Variants in LCOR observed in about 807,000 individuals in gnomAD.
The protein encoded by LCOR is ligand-dependent corepressor.
A neutral mutation model predicts 64.4 loss-of-function variants in LCOR; 14 were observed. That is an observed-to-expected ratio of 0.22 (90% confidence interval 0.14 to 0.34). The LOEUF (loss-of-function observed/expected upper bound fraction) is 0.34, where lower values mean the gene tolerates loss of function less well. Ranked by LOEUF, LCOR falls within the 10% of genes least tolerant of loss-of-function variation. The pLI, the probability that LCOR is intolerant of heterozygous loss-of-function variation, is 1.00. For synonymous variants in LCOR, 643 were observed against 642.5 expected, an observed-to-expected ratio of 1.00 and a Z score of -0.01; for missense variants, 1,686 against 1,765.3, an observed-to-expected ratio of 0.96 and a Z score of 0.80.
chr10:96,856,977 C>T (rs573358855), intron 2 of LCOR, among the ~76,000 whole-genome samples: 1 of 151,954 alleles, frequency 6.6e-6, no homozygotes, highest in South Asian at 2.1e-4. Context: ...TACTTAATTT[C>T]AGGAAGTAGA....
chr10:96,980,010 G>A (rs541977377), intron 7 of LCOR, among the ~76,000 whole-genome samples: 11 of 152,176 alleles, frequency 7.2e-5, no homozygotes, highest in Non-Finnish European at 1.5e-4. Context: ...CAGGCGTGGC[G>A]GCGTGCGCCT....
chr10:96,912,281 T>C (rs899244256), intron 4 of LCOR, among the ~76,000 whole-genome samples: 1 of 152,220 alleles, frequency 6.6e-6, no homozygotes, highest in Non-Finnish European at 1.5e-5. Context: ...TTTAGCCTTA[T>C]AAAGCAATTG....
chr10:96,877,001 T>G (rs1017223043), intron 2 of LCOR, among the ~76,000 whole-genome samples: 15 of 151,874 alleles, frequency 9.9e-5, no homozygotes, highest in African/African-American at 3.6e-4. Flanking sequence ...GGCCAACAGA[T>G]GTATATAAAA....
At chr10:96,894,158 C>A (rs1846496996) in intron 2 of LCOR, among the ~76,000 whole-genome samples, 1 of 152,078 alleles carries the variant, frequency 6.6e-6, no homozygotes, top group Admixed American at 6.6e-5. Flanking sequence ...GTGGCATGAT[C>A]TCAGCTCACT....
rs142969932 is a variant in LCOR at position 96,922,050 on chromosome 10, G to A, written c.-184+14303G>A. Among the ~76,000 whole-genome samples, 193 of 152,200 alleles carry A rather than the reference G, an allele frequency of 1.3e-3. 1 individual carries two copies. Among genetic ancestry groups the A allele is most frequent in the African/African-American group, 4.5e-3 (185 of 41,540 alleles). On this transcript the variant is annotated intron_variant, in intron 4 of 7. Coordinates refer to ENST00000421806, the MANE Select transcript of LCOR (RefSeq NM_001346516.2). ...TTTTCAATATTGTTTTGGCAATTTG[G>A]GATCTCTTGAAACTTCAGGGTGGAT...
intron 7 of LCOR, among the ~76,000 whole-genome samples, chr10:96,972,201 A>G (rs1471177865): frequency 6.6e-6 from 1 of 152,170 alleles, no homozygotes; most frequent in East Asian, 1.9e-4. Context: ...GTAAAGGGGT[A>G]AAATATTAAA....
chr10:96,944,893 G>A (rs1250078914), intron 5 of LCOR, among the ~76,000 whole-genome samples: 1 of 151,988 alleles, frequency 6.6e-6, no homozygotes, highest in Non-Finnish European at 1.5e-5. Context: ...GGAGTCTTGA[G>A]GCTTATCAAT....
At chr10:96,917,535 C>T (rs1233391671) in intron 4 of LCOR, among the ~76,000 whole-genome samples, 1 of 152,102 alleles carries the variant, frequency 6.6e-6, no homozygotes, top group Non-Finnish European at 1.5e-5. Flanking sequence ...TTGAGAGGTG[C>T]AGTAGATGAC....
At position 96,986,426 on chromosome 10, in the gene LCOR, G is replaced by A. The variant is rs1848150474; in HGVS notation, c.*1292G>A. The A allele has an allele frequency of 6.6e-6, 1 of 152,336 alleles. No homozygotes were observed. The allele number at this position is 152,336 out of a possible 1,614,324, so 9.4% of individuals were successfully genotyped here. ...CACACCCCCTACACCCAGAGCTGATGTTCAGCTGTATGCTCCAATGTGAAT... is the reference window on the plus strand; with the variant it reads ...CACACCCCCTACACCCAGAGCTGATATTCAGCTGTATGCTCCAATGTGAAT... On this transcript the variant is annotated 3_prime_UTR_variant, in exon 8 of 8. Transcript: ENST00000421806.
intron 4 of LCOR, among the ~76,000 whole-genome samples, chr10:96,931,781 T>A (rs1847264991): frequency 6.6e-6 from 1 of 152,184 alleles, no homozygotes; most frequent in African/African-American, 2.4e-5. Flanking sequence ...AGTTAGGAAG[T>A]AAAAGAAAAA....
At chr10:96,863,770 A>G (rs1845927647) in intron 2 of LCOR, among the ~76,000 whole-genome samples, 1 of 152,226 alleles carries the variant, frequency 6.6e-6, no homozygotes, top group African/African-American at 2.4e-5. Context: ...TTGCTAAAAT[A>G]CTTTTTCTCT....
In LCOR at chr10:96,982,823, C is replaced by A. The variant is rs772778243; in HGVS notation, c.2363C>A (p.Thr788Lys). 97 of 1,613,878 alleles carry A rather than the reference C, an allele frequency of 6.0e-5. No homozygotes were observed. The highest frequency in any genetic ancestry group is 7.2e-5 in the Non-Finnish European group (85 of 1,180,022). The stretch of plus-strand genomic sequence containing the variant: ...GTAAAATGCCTGTCAGAAAAAGACA[C>A]GTATGATACAAGCATTGACTCACTC... ...GDVKCLSEKD[T>K]YDTSIDSLEE... is the part of the protein sequence containing the mutation. Residue 788 changes from threonine to lysine, a missense_variant, in exon 8 of 8, where the codon ACG becomes AAG. By Grantham distance (78) the Thr-to-Lys change is moderately conservative (BLOSUM62 -1). Around this residue, in one of 3 missense-constraint regions of LCOR, gnomAD observed 1,293 missense variants for 1,410.4 expected, o/e 0.92. Transcript: ENST00000421806.
chr10:96,834,453 A>G (rs576235833), intron 2 of LCOR, among the ~76,000 whole-genome samples: 1 of 152,256 alleles, frequency 6.6e-6, no homozygotes, highest in African/African-American at 2.4e-5. Flanking sequence ...ATTCTTTCAA[A>G]GTATTATTAT....
At position 96,983,241 on chromosome 10, in the gene LCOR, T is replaced by G; in HGVS notation, c.2781T>G (p.Ile927Met). The G allele has an allele frequency of 1.2e-6, 2 of 1,614,066 alleles. No homozygotes were observed. Among genetic ancestry groups the G allele is most frequent in the South Asian group, 1.1e-5 (1 of 91,074 alleles). Reference protein sequence around the residue: ...DKEVKELRGEIFPSRDPITTA... With the variant: ...DKEVKELRGEMFPSRDPITTA... ...AAGTCAAGGAGTTACGAGGAGAGAT[T>G]TTCCCCAGCAGGGACCCCATAACCA... The change falls in exon 8 of 8, where the codon ATT (isoleucine) becomes ATG (methionine). Residue 927 changes from isoleucine (I) to methionine (M), a missense_variant. Transcript: ENST00000421806. The surrounding 1 kb of genome is among the most constrained non-coding windows in gnomAD (Gnocchi z 4.5).
At chr10:96,946,418 A>T (rs907917795) in intron 5 of LCOR, among the ~76,000 whole-genome samples, 8 of 152,134 alleles carry the variant, frequency 5.3e-5, no homozygotes, top group Non-Finnish European at 8.8e-5. Context: ...ATTTCACTTC[A>T]AGAACAATAT....
At chr10:96,901,533 G>A (rs574336171) in intron 2 of LCOR, among the ~76,000 whole-genome samples, 2 of 152,260 alleles carry the variant, frequency 1.3e-5, no homozygotes, top group African/African-American at 2.4e-5. Flanking sequence ...ATTTCATGGA[G>A]CCCATTAGAT....
chr10:96,839,680 T>C (rs1236896486), intron 2 of LCOR, among the ~76,000 whole-genome samples: 2 of 152,158 alleles, frequency 1.3e-5, no homozygotes, highest in Non-Finnish European at 2.9e-5. Flanking sequence ...TTATACAATA[T>C]ATTTTTTCTT....
chr10:96,832,852 C>A (rs948000145), intron 1 of LCOR: 84 of 343,560 alleles, frequency 2.4e-4, no homozygotes, highest in Non-Finnish European at 3.2e-4. Flanking sequence ...CTGTGGCCGC[C>A]GCCGTCCTCC....
intron 7 of LCOR, chr10:96,955,872 G>T: frequency 6.2e-7 from 1 of 1,614,158 alleles, no homozygotes; most frequent in Middle Eastern, 1.6e-4. Flanking sequence ...GATTGAATTA[G>T]ATCCCCAGGG....
Sources: gnomAD v4.1 joint callset for allele counts (sites outside exome capture counted in the v4.1 genomes callset) on GRCh38, gnomAD v4.1.1 for gene constraint, gnomAD v4.1.1 regional missense constraint, Gnocchi (gnomAD v3.1) non-coding constraint, MANE v1.5 for transcripts, NCBI Gene and HGNC (gene_info 2026-07-23, HGNC 2026-07-21) for gene names.